AGBL4: variants seen among roughly 807,000 people sequenced by gnomAD.
The protein encoded by AGBL4 is AGBL carboxypeptidase 4.
Under a neutral mutation model 66.4 loss-of-function variants are expected in AGBL4, and 58 were observed. The ratio of observed to expected loss-of-function variants is 0.87; its 90% CI spans 0.71 to 1.09. The LOEUF (loss-of-function observed/expected upper bound fraction) is 1.09, where lower values mean the gene tolerates loss of function less well. Ranked by LOEUF, AGBL4 falls within the 50% of genes least tolerant of loss-of-function variation. AGBL4 has a pLI of 0.00. For missense variants in AGBL4, 579 were observed against 631.0 expected (o/e 0.92, Z 0.88); for synonymous variants, 234 against 222.9 (o/e 1.05, Z -0.44).
chr1:49,793,476 AT>A (rs1644653981), intron 2 of AGBL4, among the ~76,000 whole-genome samples: 1 of 152,028 alleles, frequency 6.6e-6, no homozygotes, highest in South Asian at 2.1e-4. Context: ...GAAGAAAAGC[AT>A]ACAGACTGCT....
intron 6 of AGBL4, among the ~76,000 whole-genome samples, chr1:48,789,173 G>C (rs777215321): frequency 3.3e-5 from 5 of 152,034 alleles, no homozygotes; most frequent in Non-Finnish European, 7.4e-5. Flanking sequence ...CTGCTATGTT[G>C]CCTCCAGTGG....
At chr1:49,131,117 T>G (rs1645885251) in intron 4 of AGBL4, among the ~76,000 whole-genome samples, 1 of 152,078 alleles carries the variant, frequency 6.6e-6, no homozygotes, top group South Asian at 2.1e-4. Context: ...TATTACTGAC[T>G]GAAGAAACCA....
intron 3 of AGBL4, among the ~76,000 whole-genome samples, chr1:49,514,476 G>T (rs1186602417): frequency 6.6e-6 from 1 of 151,960 alleles, no homozygotes; most frequent in Non-Finnish European, 1.5e-5. Flanking sequence ...GTAATTTATA[G>T]ATTCAATGCC....
At chr1:48,840,673 G>A (rs1646777847) in intron 6 of AGBL4, among the ~76,000 whole-genome samples, 1 of 152,158 alleles carries the variant, frequency 6.6e-6, no homozygotes, top group African/African-American at 2.4e-5. Context: ...CTCAAATATT[G>A]CTGCTAGGAA....
At chr1:49,710,853 T>C (rs1647609528) in intron 2 of AGBL4, among the ~76,000 whole-genome samples, 1 of 151,680 alleles carries the variant, frequency 6.6e-6, no homozygotes. Flanking sequence ...AGAACGTGTA[T>C]CTTGAATATA....
intron 3 of AGBL4, among the ~76,000 whole-genome samples, chr1:49,514,516 C>A (rs1649584895): frequency 6.6e-6 from 1 of 151,904 alleles, no homozygotes; most frequent in South Asian, 2.1e-4. Flanking sequence ...TGACTTTCTT[C>A]ACAGAATTGG....
chr1:49,640,583 T>G (rs1645761292), intron 3 of AGBL4, among the ~76,000 whole-genome samples: 1 of 152,144 alleles, frequency 6.6e-6, no homozygotes, highest in Non-Finnish European at 1.5e-5. Context: ...ATTGAAATTC[T>G]AAAGATGGAA....
intron 4 of AGBL4, among the ~76,000 whole-genome samples, chr1:49,046,251 G>A (rs1393337604): frequency 6.6e-6 from 1 of 152,174 alleles, no homozygotes; most frequent in Non-Finnish European, 1.5e-5. Context: ...AATAAAGACT[G>A]TGATGCTATA....
At chr1:49,654,434 T>G (rs1646075564) in intron 3 of AGBL4, among the ~76,000 whole-genome samples, 1 of 152,176 alleles carries the variant, frequency 6.6e-6, no homozygotes, top group African/African-American at 2.4e-5. Context: ...TAGATGTCTA[T>G]TAGGTCTGCT....
Position 50,005,469 on chromosome 1 carries a change from C to G in AGBL4, c.34+18294G>C, listed in dbSNP as rs189056242. Among the ~76,000 whole-genome samples, 240 of 152,232 alleles carry G rather than the reference C, an allele frequency of 1.6e-3. 1 individual carries two copies. Among genetic ancestry groups the G allele is most frequent in the African/African-American group, 4.9e-3 (205 of 41,538 alleles). ...CCAAATGCACATATAGTTGCAGTAG[C>G]CAAAATCTTAGATCACAATACCTAA... On this transcript the variant is annotated intron_variant, in intron 1 of 13. Transcript: ENST00000371839.
intron 3 of AGBL4, among the ~76,000 whole-genome samples, chr1:49,526,231 A>G (rs1291522326): frequency 6.6e-6 from 1 of 152,106 alleles, no homozygotes; most frequent in East Asian, 1.9e-4. Flanking sequence ...GTCATTAAAT[A>G]ACCCTATCTT....
chr1:49,258,678 G>C (rs980813653), intron 3 of AGBL4, among the ~76,000 whole-genome samples: 1 of 152,228 alleles, frequency 6.6e-6, no homozygotes, highest in Non-Finnish European at 1.5e-5. Context: ...ATCTGTGTCT[G>C]ATTGGTGCAC....
At chr1:49,969,608 A>G (rs1381142678) in intron 1 of AGBL4, among the ~76,000 whole-genome samples, 2 of 152,130 alleles carry the variant, frequency 1.3e-5, no homozygotes, top group African/African-American at 4.8e-5. Flanking sequence ...TTTATGAAGT[A>G]TGAGTTTTTC....
intron 2 of AGBL4, among the ~76,000 whole-genome samples, chr1:49,765,856 C>A (rs1652694357): frequency 6.6e-6 from 1 of 151,328 alleles, no homozygotes; most frequent in African/African-American, 2.4e-5. Flanking sequence ...AAATTGAAGC[C>A]CAGTCTTTTA....
chr1:49,844,860 C>A, intron 2 of AGBL4: 1 of 1,492,646 alleles, frequency 6.7e-7, no homozygotes. Flanking sequence ...GCCTAGAGAG[C>A]CTGGCAGTGC....
intron 1 of AGBL4, among the ~76,000 whole-genome samples, chr1:49,948,017 A>ATTTATAAATATATATTT (rs1655477546): frequency 4.5e-5 from 1 of 22,002 alleles, no homozygotes. Context: ...TAAATATATA[A>ATTTATAAATATATATTT]ATATATATAA....
intron 4 of AGBL4, among the ~76,000 whole-genome samples, chr1:49,167,998 G>T (rs1371585238): frequency 6.6e-6 from 1 of 152,118 alleles, no homozygotes; most frequent in Admixed American, 6.5e-5. Flanking sequence ...CATTCACATT[G>T]TCTTAGGTAT....
intron 2 of AGBL4, among the ~76,000 whole-genome samples, chr1:49,848,642 C>A (rs192556262): frequency 1.3e-5 from 2 of 152,028 alleles, no homozygotes; most frequent in African/African-American, 4.8e-5. Context: ...AATAATAGCC[C>A]CTTGAGACTC....
chr1:49,451,499 G>A (rs527251364), intron 3 of AGBL4, among the ~76,000 whole-genome samples: 1 of 151,940 alleles, frequency 6.6e-6, no homozygotes, highest in Non-Finnish European at 1.5e-5. Flanking sequence ...TCTTTTGGGA[G>A]CATCTTAGAA....
Sources: allele counts gnomAD v4.1 joint callset (sites outside exome capture counted in the v4.1 genomes callset), GRCh38; gene constraint gnomAD v4.1.1; transcripts MANE v1.5; gene names NCBI Gene and HGNC (gene_info 2026-07-23, HGNC 2026-07-21).